IL6R: variants seen among roughly 807,000 people sequenced by gnomAD.
IL6R encodes the protein interleukin-6 receptor subunit alpha.
In IL6R, 38 loss-of-function variants were observed where a neutral mutation model predicts 48.3. The ratio of observed to expected loss-of-function variants is 0.79; its 90% CI spans 0.61 to 1.03. The LOEUF is 1.03. Ranked by LOEUF, IL6R falls within the 50% of genes least tolerant of loss-of-function variation. IL6R has a pLI of 0.00. For missense variants in IL6R, 534 were observed against 618.3 expected, an observed-to-expected ratio of 0.86 and a Z score of 1.45; for synonymous variants, 264 against 256.2, an observed-to-expected ratio of 1.03 and a Z score of -0.29.
At chr1:154,435,462 T>G (rs1689562749) in intron 5 of IL6R, among the ~76,000 whole-genome samples, 1 of 144,686 alleles carries the variant, frequency 6.9e-6, no homozygotes, top group Admixed American at 7.1e-5. Flanking sequence ...TGAGCAGAGA[T>G]CACACCACTG....
rs1425281321 is a variant in IL6R at position 154,468,601 on chromosome 1, C to A, written c.*3221C>A. ...CTTTCTTTATCAGGCTCTGAGTTCACACGGAGCCTCTGGCACTTCCCTGCT... is the reference window on the plus strand; with the variant it reads ...CTTTCTTTATCAGGCTCTGAGTTCAAACGGAGCCTCTGGCACTTCCCTGCT... On this transcript the variant is annotated 3_prime_UTR_variant, in exon 10 of 10. Coordinates refer to ENST00000368485, the MANE Select transcript of IL6R (RefSeq NM_000565.4). 1 of 152,196 alleles carries A rather than the reference C, an allele frequency of 6.6e-6. No homozygotes were observed. The highest frequency in any genetic ancestry group is 1.5e-5 in the Non-Finnish European group (1 of 68,052). The allele number at this position is 152,196 out of a possible 1,614,324, so 9.4% of individuals were successfully genotyped here. A position where few individuals can be genotyped will look rare whatever the true frequency, so the allele number is the denominator to read the frequency against.
At chr1:154,445,736 C>G (rs1249686950) in intron 6 of IL6R, among the ~76,000 whole-genome samples, 1 of 135,758 alleles carries the variant, frequency 7.4e-6, no homozygotes, top group Non-Finnish European at 1.5e-5. Context: ...GGCGACAGAG[C>G]GAGACTCGGT....
intron 8 of IL6R, among the ~76,000 whole-genome samples, chr1:154,453,422 G>A (rs1690700651): frequency 6.6e-6 from 1 of 152,162 alleles, no homozygotes; most frequent in African/African-American, 2.4e-5. Flanking sequence ...CAGCCTCTTC[G>A]TCAGCAGTGG....
intron 1 of IL6R, among the ~76,000 whole-genome samples, chr1:154,410,336 C>T (rs558467775): frequency 6.6e-5 from 10 of 151,920 alleles, no homozygotes; most frequent in African/African-American, 2.4e-4. Flanking sequence ...ACTGCAGCCT[C>T]GACTTCCTGG....
intron 1 of IL6R, among the ~76,000 whole-genome samples, chr1:154,421,731 T>C (rs1448929368): frequency 6.6e-6 from 1 of 152,118 alleles, no homozygotes; most frequent in Admixed American, 6.5e-5. Flanking sequence ...GTGATCCTTC[T>C]GCCACAGCCT....
intron 1 of IL6R, among the ~76,000 whole-genome samples, chr1:154,417,225 G>C (rs896495491): frequency 6.6e-6 from 1 of 152,234 alleles, no homozygotes; most frequent in African/African-American, 2.4e-5. Flanking sequence ...GCAGAGGGCT[G>C]CGTGTTAAGC....
At chr1:154,419,910 C>T (rs555404470) in intron 1 of IL6R, among the ~76,000 whole-genome samples, 1 of 152,270 alleles carries the variant, frequency 6.6e-6, no homozygotes, top group East Asian at 1.9e-4. Context: ...GGGAGGAACC[C>T]CACTTTCCCA....
At chr1:154,453,622 G>T (rs994082621) in intron 8 of IL6R, among the ~76,000 whole-genome samples, 3 of 152,192 alleles carry the variant, frequency 2.0e-5, no homozygotes, top group African/African-American at 7.2e-5. Context: ...TTCATTCAAA[G>T]AAATATTTTG....
At chr1:154,444,370 G>A (rs931988046) in intron 6 of IL6R, among the ~76,000 whole-genome samples, 27 of 152,042 alleles carry the variant, frequency 1.8e-4, no homozygotes, top group South Asian at 2.1e-4. Context: ...CATCATGCCC[G>A]GCTAATTTTG....
intron 9 of IL6R, among the ~76,000 whole-genome samples, chr1:154,455,792 C>T (rs1690845858): frequency 6.6e-6 from 1 of 150,546 alleles, no homozygotes; most frequent in African/African-American, 2.4e-5. Flanking sequence ...CGCTGTGGCT[C>T]ACGCTTGTAA....
Position 154,405,678 on chromosome 1 carries a change from G to A in IL6R, c.49G>A (p.Gly17Arg), listed in dbSNP as rs1253366021. Residue 17 changes from glycine to arginine, a missense_variant, in exon 1 of 10, where the codon GGA becomes AGA. Gly to Arg is a moderately radical substitution (Grantham distance 125). Transcript: ENST00000368485. This position sits in a 1 kb window ranked among gnomAD's most constrained non-coding sequence, Gnocchi z 5.2. ...GCTGGCTGCCCTGCTGGCCGCGCCG[G>A]GAGCGGCGCTGGCCCCAAGGCGCTG... ...ALLAALLAAP[G>R]AALAPRRCPA... 6.5e-7 allele frequency: 1 copy of A among 1,529,186 alleles called. No individual in the cohort carries two copies. The highest frequency in any genetic ancestry group is 1.4e-5 in the African/African-American group (1 of 72,062). The allele number at this position is 1,529,186 out of a possible 1,614,324, so 94.7% of individuals were successfully genotyped here.
chr1:154,449,228 G>C (rs1690451553), intron 7 of IL6R, among the ~76,000 whole-genome samples: 1 of 151,014 alleles, frequency 6.6e-6, no homozygotes, highest in Non-Finnish European at 1.5e-5. Flanking sequence ...TAAGTCTGAG[G>C]CCAGGGCCGG....
chr1:154,446,706 T>C (rs1690249551), intron 6 of IL6R, among the ~76,000 whole-genome samples: 1 of 152,324 alleles, frequency 6.6e-6, no homozygotes, highest in Non-Finnish European at 1.5e-5. Flanking sequence ...TGCTGCAATG[T>C]GTACTAAACC....
intron 6 of IL6R, among the ~76,000 whole-genome samples, chr1:154,438,673 T>C (rs958578158): frequency 5.3e-5 from 8 of 152,068 alleles, no homozygotes; most frequent in African/African-American, 1.9e-4. Context: ...TTCCCCCAGA[T>C]TGGATGGTGT....
At chr1:154,415,209 A>G (rs1688265062) in intron 1 of IL6R, 2 of 666,884 alleles carry the variant, frequency 3.0e-6, no homozygotes, top group African/African-American at 1.8e-5. Flanking sequence ...TGCACTGTTC[A>G]CCTCCACCCC....
intron 7 of IL6R, among the ~76,000 whole-genome samples, chr1:154,448,875 CTTTTTT>C (rs757221328): frequency 2.7e-5 from 2 of 73,330 alleles, no homozygotes; most frequent in African/African-American, 5.1e-5. Context: ...CTTGTAAGGG[CTTTTTT>C]TTTTTTTTTT....
intron 1 of IL6R, chr1:154,414,238 T>A: frequency 2.0e-6 from 1 of 490,220 alleles, no homozygotes; most frequent in Non-Finnish European, 3.7e-6. Context: ...ATAACATCCT[T>A]CCCATTCCAA....
intron 4 of IL6R, 132 bp downstream of exon 4, chr1:154,434,832 G>A (rs1363829918): frequency 1.7e-6 from 2 of 1,191,942 alleles, no homozygotes; most frequent in Non-Finnish European, 2.4e-6. Context: ...GGCGTTGCTT[G>A]CCGGGAGGTG....
chr1:154,457,977 T>G (rs1348989469), intron 9 of IL6R, among the ~76,000 whole-genome samples: 1 of 149,884 alleles, frequency 6.7e-6, no homozygotes, highest in Non-Finnish European at 1.5e-5. Flanking sequence ...CTTTTTTTTT[T>G]TTTTTTTGAG....
Sources: gnomAD v4.1 joint callset for allele counts (sites outside exome capture counted in the v4.1 genomes callset) on GRCh38, gnomAD v4.1.1 for gene constraint, Gnocchi (gnomAD v3.1) non-coding constraint, MANE v1.5 for transcripts, NCBI Gene and HGNC (gene_info 2026-07-23, HGNC 2026-07-21) for gene names.